The following RCN2 variants were observed in gnomAD, a reference collection of about 807,000 sequenced individuals.
The protein encoded by RCN2 is reticulocalbin 2, also known as reticulocalbin-2.
RCN2 carries 23 observed loss-of-function variants against 37.5 expected under a neutral mutation model. That is an observed-to-expected ratio of 0.61 (90% confidence interval 0.44 to 0.87). The LOEUF (loss-of-function observed/expected upper bound fraction) is 0.87. RCN2 is among the 40% of genes least tolerant of loss of function. The pLI, the probability that RCN2 is intolerant of heterozygous loss-of-function variation, is 0.00. For missense variants in RCN2, 381 were observed against 390.4 expected (o/e 0.98, Z 0.20); for synonymous variants, 140 against 144.6 (o/e 0.97, Z 0.23).
chr15:76,932,269 C>A (rs1468282130), intron 1 of RCN2, 92 bp from the exon 2 acceptor site: 7 of 1,017,266 alleles, frequency 6.9e-6, no homozygotes, highest in Admixed American at 2.0e-5. Context: ...AACCCTTTGG[C>A]AAGGGGGTCT....
In RCN2 at chr15:76,950,535, C is replaced by T. The variant is rs2075316274; in HGVS notation, c.*1313C>T. On this transcript the variant is annotated 3_prime_UTR_variant, in exon 7 of 7. Coordinates refer to ENST00000394885, the MANE Select transcript of RCN2 (RefSeq NM_002902.3). ...TCCCGAGTAGCTGGGACTACAGGCG[C>T]CTGCCACCACACCCGGCTAATTTTT... 1 of 152,030 alleles carries T rather than the reference C, an allele frequency of 6.6e-6. No individual in the cohort carries two copies. Among genetic ancestry groups the T allele is most frequent in the South Asian group, 2.1e-4 (1 of 4,812 alleles). 9.4% of individuals were successfully genotyped at this position (152,030 alleles called of 1,614,324 possible). A position where few individuals can be genotyped will look rare whatever the true frequency, so the allele number is the denominator to read the frequency against.
At chr15:76,948,639 C>T (rs951632837) in intron 6 of RCN2, 87 bp downstream of exon 6, 20 of 1,309,738 alleles carry the variant, frequency 1.5e-5, no homozygotes, top group Non-Finnish European at 2.1e-5. Context: ...AAATCTTAAG[C>T]CAAAGAAAGA....
chr15:76,932,568 C>A, intron 2 of RCN2, 102 bp downstream of exon 2: 5 of 782,896 alleles, frequency 6.4e-6, no homozygotes, highest in South Asian at 1.5e-5. Flanking sequence ...AGTTGGAAGT[C>A]CTGTGAGAAG....
chr15:76,941,388 G>T, intron 3 of RCN2: 1 of 307,028 alleles, frequency 3.3e-6, no homozygotes, highest in Non-Finnish European at 5.9e-6. Flanking sequence ...AATTTTTAAT[G>T]CCTAGTCATT....
intron 3 of RCN2, among the ~76,000 whole-genome samples, chr15:76,936,175 A>G (rs2075246736): frequency 6.6e-6 from 1 of 150,560 alleles, no homozygotes; most frequent in Non-Finnish European, 1.5e-5. Flanking sequence ...AAAAGTAAGT[A>G]TTAAAAAAAA....
intron 2 of RCN2, 42 bp from the exon 3 acceptor site, chr15:76,935,484 G>A (rs2075243021): frequency 1.3e-6 from 2 of 1,489,196 alleles, no homozygotes; most frequent in South Asian, 2.3e-5. Flanking sequence ...TTAAGTATCA[G>A]AATTAACGTC....
chr15:76,948,782 T>A (rs914384959), intron 6 of RCN2: 2 of 525,570 alleles, frequency 3.8e-6, no homozygotes, highest in Admixed American at 3.6e-5. Flanking sequence ...AATAATAGTT[T>A]GTATTTACCT....
At chr15:76,947,618 G>T in intron 5 of RCN2, 101 bp downstream of exon 5, 2 of 752,612 alleles carry the variant, frequency 2.7e-6, no homozygotes, top group South Asian at 1.6e-5. Context: ...GAAATGTAAT[G>T]AGGATCTGTG....
Position 76,952,750 on chromosome 15 carries a change from A to T in RCN2, c.*3528A>T, listed in dbSNP as rs2075327282. ...ATTCTCCTGCCTCAGCCTCCCGACT[A>T]GGTGGGATTACAGGCGGGCACCACC... is the stretch of plus-strand genomic sequence containing the variant. On this transcript the variant is annotated 3_prime_UTR_variant, in exon 7 of 7. Coordinates refer to ENST00000394885, the MANE Select transcript of RCN2 (RefSeq NM_002902.3). 1 of 151,732 alleles carries T rather than the reference A, an allele frequency of 6.6e-6. No homozygotes were observed. The highest frequency in any genetic ancestry group is 1.5e-5 in the Non-Finnish European group (1 of 67,992). 9.4% of individuals were successfully genotyped at this position (151,732 alleles called of 1,614,324 possible).
chr15:76,944,964 A>T (rs376202904), intron 4 of RCN2, among the ~76,000 whole-genome samples: 2 of 152,226 alleles, frequency 1.3e-5, no homozygotes, highest in Non-Finnish European at 2.9e-5. Flanking sequence ...ACTGTTCTCC[A>T]TAGTGGTTGT....
At chr15:76,939,357 T>C (rs954209481) in intron 3 of RCN2, among the ~76,000 whole-genome samples, 3 of 152,112 alleles carry the variant, frequency 2.0e-5, no homozygotes, top group Admixed American at 2.0e-4. Flanking sequence ...AGTTCTGTTT[T>C]GATTTAAAAG....
At chr15:76,947,882 T>TA (rs762774613) in intron 5 of RCN2, 42 of 192,054 alleles carry the variant, frequency 2.2e-4, no homozygotes, top group Non-Finnish European at 4.0e-4. Context: ...AATACTGGTG[T>TA]AAACACAGTA....
chr15:76,940,379 A>G (rs76036665), intron 3 of RCN2, among the ~76,000 whole-genome samples: 12,429 of 152,182 alleles, frequency 0.082, 643 homozygotes, highest in East Asian at 0.12. Flanking sequence ...TATTTTTCTA[A>G]ATAAAAAATA....
intron 2 of RCN2, among the ~76,000 whole-genome samples, chr15:76,934,473 G>A (rs1401089132): frequency 1.3e-5 from 2 of 152,182 alleles, no homozygotes; most frequent in Non-Finnish European, 2.9e-5. Flanking sequence ...ATTGAAAAGT[G>A]AACATTTGAA....
intron 3 of RCN2, among the ~76,000 whole-genome samples, chr15:76,939,300 A>T (rs1210664865): frequency 1.3e-5 from 2 of 151,938 alleles, no homozygotes; most frequent in African/African-American, 4.8e-5. Flanking sequence ...TAGGATTATA[A>T]TAGTGTGGAT....
intron 3 of RCN2, among the ~76,000 whole-genome samples, chr15:76,936,983 T>G (rs1268668100): frequency 1.3e-5 from 2 of 152,222 alleles, no homozygotes; most frequent in Non-Finnish European, 2.9e-5. Context: ...TTCTACTTTC[T>G]GTCTCTGAAT....
chr15:76,951,775 ATCAT>A lies in RCN2; in HGVS notation c.*2555_*2558del, dbSNP rs1208012290. On this transcript the variant is annotated 3_prime_UTR_variant, in exon 7 of 7. Coordinates refer to ENST00000394885, the MANE Select transcript of RCN2 (RefSeq NM_002902.3). ...GTAAAAATAGTTTGAGACTTTCTGA[ATCAT>A]TGGCTGATTCTGCCTGAAGGACTTA... The A allele has an allele frequency of 1.3e-5, 2 of 152,242 alleles. No homozygotes were observed. The highest frequency in any genetic ancestry group is 2.9e-5 in the Non-Finnish European group (2 of 68,044). 9.4% of individuals were successfully genotyped at this position (152,242 alleles called of 1,614,324 possible).
At chr15:76,932,056 C>A in intron 1 of RCN2, 71 bp downstream of exon 1, 9 of 1,237,804 alleles carry the variant, frequency 7.3e-6, no homozygotes, top group Non-Finnish European at 9.1e-6. Context: ...TGTCCCGGGA[C>A]AAAGGGGGGC....
At position 76,946,261 on chromosome 15, in the gene RCN2, G is replaced by A. The variant is rs561842919; in HGVS notation, c.562-1160G>A. Reference sequence around the variant, plus strand: ...GCTTGAGGCTAGGAGTTCAAGACCAGCCTGGACAACATAGCAGACCTTGTC... The same window carrying A: ...GCTTGAGGCTAGGAGTTCAAGACCAACCTGGACAACATAGCAGACCTTGTC... On this transcript the variant is annotated intron_variant, in intron 4 of 6. Transcript: ENST00000394885. Among the ~76,000 whole-genome samples, 131 of 152,242 alleles carry A rather than the reference G, an allele frequency of 8.6e-4. 1 individual carries two copies. The highest frequency in any genetic ancestry group is 3.4e-3 in the Middle Eastern group (1 of 294).
Sources: allele counts gnomAD v4.1 joint callset (sites outside exome capture counted in the v4.1 genomes callset), GRCh38; gene constraint gnomAD v4.1.1; transcripts MANE v1.5; gene names NCBI Gene and HGNC (gene_info 2026-07-23, HGNC 2026-07-21).